The following PCDHGA6 variants were observed in gnomAD, a reference collection of about 807,000 sequenced individuals.
PCDHGA6 encodes the protein protocadherin gamma subfamily A, 6.
PCDHGA6 carries 41 observed loss-of-function variants against 60.6 expected under a neutral mutation model. That is an observed-to-expected ratio of 0.68 (90% CI 0.53 to 0.88). PCDHGA6 has a LOEUF of 0.88. Among genes scored for constraint, PCDHGA6 ranks in the 40% least tolerant of loss-of-function variants. The pLI, the probability that PCDHGA6 is intolerant of heterozygous loss-of-function variation, is 0.00. For synonymous variants in PCDHGA6, 594 were observed against 524.4 expected (o/e 1.13, Z -1.81); for missense variants, 1,312 against 1,203.0 (o/e 1.09, Z -1.34).
chr5:141,418,821 C>G (rs750200042), intron 1 of PCDHGA6: 1 of 1,613,846 alleles, frequency 6.2e-7, no homozygotes, highest in Non-Finnish European at 8.5e-7. Flanking sequence ...AACATAGAAG[C>G]AAAAGACCGA....
rs967535805 is a variant in PCDHGA6 at position 141,490,206 on chromosome 5, C to T, written c.2425-4601C>T. 2.4e-5 allele frequency: 38 copies of T among 1,614,050 alleles called. No homozygotes were observed. In the Admixed American group the frequency reaches 5.0e-4, roughly 21 times the overall value. ...GTTTCTATGAAATTCATGCAAGAGCCCGTGACCAGGGACAGCCTGCCATGG... is the reference window on the plus strand; with the variant it reads ...GTTTCTATGAAATTCATGCAAGAGCTCGTGACCAGGGACAGCCTGCCATGG... On this transcript the variant is annotated intron_variant, in intron 1 of 3. Coordinates refer to ENST00000517434, the MANE Select transcript of PCDHGA6 (RefSeq NM_018919.3). This position sits in a 1 kb window ranked among gnomAD's most constrained non-coding sequence, Gnocchi z 5.4.
intron 1 of PCDHGA6, among the ~76,000 whole-genome samples, chr5:141,466,358 A>G (rs1210013683): frequency 6.6e-6 from 1 of 152,066 alleles, no homozygotes; most frequent in Admixed American, 6.5e-5. Flanking sequence ...GCTAATCTAG[A>G]TGTAATGGTT....
intron 1 of PCDHGA6, chr5:141,384,223 G>A (rs1779858487): frequency 6.2e-7 from 1 of 1,613,742 alleles, no homozygotes; most frequent in African/African-American, 1.3e-5. Context: ...ATTCATGCAG[G>A]TGGCAGACAC....
intron 1 of PCDHGA6, chr5:141,399,946 GC>G: frequency 6.2e-7 from 1 of 1,612,270 alleles, no homozygotes. Context: ...CGTGCTGCAG[GC>G]TAGCGAGCCC....
intron 1 of PCDHGA6, chr5:141,422,585 T>C (rs1193597044): frequency 1.2e-6 from 2 of 1,613,930 alleles, no homozygotes; most frequent in African/African-American, 2.7e-5. Context: ...CCTCCCGTTT[T>C]TCCTCACTCC....
In PCDHGA6 at chr5:141,493,164, T is replaced by C. The variant is rs558860783; in HGVS notation, c.2425-1643T>C. Among the ~76,000 whole-genome samples the C allele has an allele frequency of 4.6e-5, 7 of 152,340 alleles. 1 individual carries two copies. The South Asian group carries it at 1.2e-3, about 27-fold the overall frequency. On this transcript the variant is annotated intron_variant, in intron 1 of 3. Coordinates refer to ENST00000517434, the MANE Select transcript of PCDHGA6 (RefSeq NM_018919.3). The surrounding 1 kb of genome is among the most constrained non-coding windows in gnomAD (Gnocchi z 4.3). Reference sequence around the variant, plus strand: ...ACCCCCAGGTGATTTTGATAGCTGATTGAGAGAAACTTACTATATAACTCC... The same window carrying C: ...ACCCCCAGGTGATTTTGATAGCTGACTGAGAGAAACTTACTATATAACTCC...
At chr5:141,436,959 G>A (rs1385958934) in intron 1 of PCDHGA6, among the ~76,000 whole-genome samples, 1 of 152,120 alleles carries the variant, frequency 6.6e-6, no homozygotes, top group Non-Finnish European at 1.5e-5. Context: ...TCTAAACAAG[G>A]ATCTTGTGAA....
chr5:141,425,177 GGAATTCCAAACTGA>G (rs2096860295), intron 1 of PCDHGA6, among the ~76,000 whole-genome samples: 1 of 152,036 alleles, frequency 6.6e-6, no homozygotes, highest in South Asian at 2.1e-4. Flanking sequence ...TTATACTTGT[GGAATTCCAAACTGA>G]GAAAAATGAT....
At chr5:141,399,111 A>C (rs1561667842) in intron 1 of PCDHGA6, 1 of 1,613,732 alleles carries the variant, frequency 6.2e-7, no homozygotes, top group Non-Finnish European at 8.5e-7. Context: ...CACAATGTAC[A>C]GTTGAAATTA....
intron 2 of PCDHGA6, among the ~76,000 whole-genome samples, chr5:141,496,955 G>T (rs2099772887): frequency 6.6e-6 from 1 of 152,006 alleles, no homozygotes; most frequent in African/African-American, 2.4e-5. Context: ...GGAGGCCAAG[G>T]TGGGTAGATC....
chr5:141,385,620 T>G (rs2090301137), intron 1 of PCDHGA6: 1 of 1,063,712 alleles, frequency 9.4e-7, no homozygotes, highest in Middle Eastern at 3.9e-4. Flanking sequence ...TTTTATACAT[T>G]GGAATGAATC....
chr5:141,382,964 C>T (rs373652237), intron 1 of PCDHGA6: 3 of 1,608,120 alleles, frequency 1.9e-6, no homozygotes, highest in Non-Finnish European at 8.5e-7. Context: ...CTCCTGGGGA[C>T]CCCCTGGGAA....
Position 141,375,991 on chromosome 5 carries a change from C to A in PCDHGA6, c.1908C>A (p.Asp636Glu), listed in dbSNP as rs770239249. 2 of 1,613,448 alleles carry A rather than the reference C, an allele frequency of 1.2e-6. No homozygotes were observed. The highest frequency in any genetic ancestry group is 2.7e-5 in the African/African-American group (2 of 75,068). Residue 636 changes from aspartate (D) to glutamate (E), a missense_variant, in exon 1 of 4, where the codon GAC becomes GAA. By Grantham distance (45) the Asp-to-Glu change is conservative. Transcript: ENST00000517434. ...VRTARALLDR[D>E]ALKQSLVVAV... ...CGGCGCGCGCCCTGCTGGACAGAGA[C>A]GCGCTCAAGCAGAGCCTAGTGGTGG...
Position 141,477,849 on chromosome 5 carries a change from A to G in PCDHGA6, c.2425-16958A>G. ...CCTCGGCCAGGTGGGAGCTCGGTGGAGATGCTGCCTCGAGGTACCTCAGCT... is the reference window on the plus strand; with the variant it reads ...CCTCGGCCAGGTGGGAGCTCGGTGGGGATGCTGCCTCGAGGTACCTCAGCT... On this transcript the variant is annotated intron_variant, in intron 1 of 3. Transcript: ENST00000517434. This position sits in a 1 kb window ranked among gnomAD's most constrained non-coding sequence, Gnocchi z 4.9. The G allele has an allele frequency of 6.8e-6, 11 of 1,612,812 alleles. No individual in the cohort carries two copies. Among genetic ancestry groups the G allele is most frequent in the Non-Finnish European group, 8.5e-6 (10 of 1,179,548 alleles).
chr5:141,460,430 G>T (rs1163518139), intron 1 of PCDHGA6, among the ~76,000 whole-genome samples: 2 of 152,110 alleles, frequency 1.3e-5, no homozygotes, highest in African/African-American at 4.8e-5. Flanking sequence ...ATGGTGTATG[G>T]TGTGAGGTAA....
rs141605264 is a variant in PCDHGA6, at chr5:141,479,755, A to C, written c.2425-15052A>C. The C allele has an allele frequency of 2.6e-3, 390 of 152,364 alleles. 2 individuals are homozygous for C. The highest frequency in any genetic ancestry group is 9.1e-3 in the African/African-American group (378 of 41,580). 9.4% of individuals were successfully genotyped at this position (152,364 alleles called of 1,614,324 possible). On this transcript the variant is annotated intron_variant, in intron 1 of 3. Coordinates refer to ENST00000517434, the MANE Select transcript of PCDHGA6 (RefSeq NM_018919.3). ...AGTATATGCACAATGTGAAAGGTAG[A>C]TAAATTCATATCCTTAGACAGGTAA...
chr5:141,414,903 C>A, intron 1 of PCDHGA6: 2 of 1,614,218 alleles, frequency 1.2e-6, no homozygotes, highest in Non-Finnish European at 1.7e-6. Flanking sequence ...CAGACGGTTC[C>A]ACAGGCGTGG....
chr5:141,451,576 C>G (rs997933491), intron 1 of PCDHGA6, among the ~76,000 whole-genome samples: 10 of 152,164 alleles, frequency 6.6e-5, no homozygotes, highest in Middle Eastern at 3.4e-3. Context: ...TTTTTATAAA[C>G]CTAATTTTGA....
chr5:141,386,587 G>A (rs1423292010), intron 1 of PCDHGA6, among the ~76,000 whole-genome samples: 2 of 151,614 alleles, frequency 1.3e-5, no homozygotes, highest in African/African-American at 4.9e-5. Context: ...CAATAGTGTG[G>A]GGGATACATT....
Sources: allele counts gnomAD v4.1 joint callset (sites outside exome capture counted in the v4.1 genomes callset), GRCh38; gene constraint gnomAD v4.1.1; non-coding constraint Gnocchi (gnomAD v3.1); transcripts MANE v1.5; gene names NCBI Gene and HGNC (gene_info 2026-07-23, HGNC 2026-07-21).